The following HDAC4 variants were observed in gnomAD, a reference collection of about 807,000 sequenced individuals.
HDAC4 encodes the protein histone deacetylase A.
Under a neutral mutation model 135.1 loss-of-function variants are expected in HDAC4, and 16 were observed. That is an observed-to-expected ratio of 0.12 (90% confidence interval 0.08 to 0.18). The LOEUF is 0.18. Among genes scored for constraint, HDAC4 ranks in the 10% least tolerant of loss-of-function variants. The pLI, the probability that HDAC4 is intolerant of heterozygous loss-of-function variation, is 1.00. For synonymous variants in HDAC4, 685 were observed against 653.4 expected (o/e 1.05, Z -0.74); for missense variants, 1,143 against 1,511.8 (o/e 0.76, Z 4.05).
At chr2:239,095,187 C>A in intron 16 of HDAC4, 131 bp from the exon 17 acceptor site, 1 of 914,396 alleles carries the variant, frequency 1.1e-6, no homozygotes. Flanking sequence ...CACTGCTCCC[C>A]CTTGTGACAC....
At chr2:239,220,858 G>C (rs1425543383) in intron 3 of HDAC4, among the ~76,000 whole-genome samples, 1 of 152,164 alleles carries the variant, frequency 6.6e-6, no homozygotes, top group Non-Finnish European at 1.5e-5. Flanking sequence ...ACAGGAAGTT[G>C]CCAAGAAAGT....
In HDAC4 at chr2:239,092,050, G is replaced by A. The variant is rs534523619; in HGVS notation, c.2281-1934C>T. ...CGCGCCACTGCACTCCAGCCTGGGCGACAGAGCCAGACTCCGTCTCAAAAA... is the reference window on the plus strand; with the variant it reads ...CGCGCCACTGCACTCCAGCCTGGGCAACAGAGCCAGACTCCGTCTCAAAAA... On this transcript the variant is annotated intron_variant, in intron 17 of 26. Coordinates refer to ENST00000543185, the MANE Select transcript of HDAC4 (RefSeq NM_001378414.1). Among the ~76,000 whole-genome samples the A allele has an allele frequency of 2.9e-4, 44 of 152,112 alleles. 1 individual carries two copies. The highest frequency in any genetic ancestry group is 3.4e-3 in the Middle Eastern group (1 of 294).
intron 1 of HDAC4, among the ~76,000 whole-genome samples, chr2:239,393,951 T>C (rs1016854657): frequency 4.6e-5 from 7 of 152,040 alleles, no homozygotes; most frequent in Admixed American, 2.6e-4. Flanking sequence ...TCAGGGAACA[T>C]GGCCCCCAAG....
intron 1 of HDAC4, among the ~76,000 whole-genome samples, chr2:239,392,596 C>T (rs1329111359): frequency 1.3e-5 from 2 of 152,194 alleles, no homozygotes; most frequent in Non-Finnish European, 2.9e-5. Flanking sequence ...TGTGGACCCA[C>T]AGGCCATCTT....
chr2:239,340,626 C>A (rs1692240103), intron 2 of HDAC4, among the ~76,000 whole-genome samples: 1 of 152,198 alleles, frequency 6.6e-6, no homozygotes, highest in Admixed American at 6.5e-5. Flanking sequence ...AGACACACAC[C>A]ATCTCTCAAA....
chr2:239,062,781 G>A (rs1232549492), intron 24 of HDAC4, among the ~76,000 whole-genome samples: 2 of 152,204 alleles, frequency 1.3e-5, no homozygotes, highest in African/African-American at 4.8e-5. Context: ...CAGCTCACCC[G>A]CTGCAGGGAT....
chr2:239,143,373 CAT>C (rs1307721966), intron 8 of HDAC4, among the ~76,000 whole-genome samples: 1 of 152,230 alleles, frequency 6.6e-6, no homozygotes, highest in Non-Finnish European at 1.5e-5. Context: ...TTTTAACTCA[CAT>C]GATTCCTCGT....
chr2:239,367,153 C>A (rs1214577121), intron 1 of HDAC4, among the ~76,000 whole-genome samples: 2 of 152,046 alleles, frequency 1.3e-5, no homozygotes, highest in Non-Finnish European at 2.9e-5. Flanking sequence ...CCAGAGGGTC[C>A]CCGAGACCTT....
intron 3 of HDAC4, among the ~76,000 whole-genome samples, chr2:239,229,849 A>C (rs749475946): frequency 1.3e-5 from 2 of 152,218 alleles, no homozygotes; most frequent in Non-Finnish European, 2.9e-5. Flanking sequence ...TGGGACTTTA[A>C]AAGGTGACTT....
intron 1 of HDAC4, among the ~76,000 whole-genome samples, chr2:239,364,026 C>T (rs1208367536): frequency 1.3e-5 from 2 of 152,164 alleles, no homozygotes; most frequent in South Asian, 4.1e-4. Context: ...ACACTCCATA[C>T]CCACCAAAAT....
At chr2:239,317,586 T>G (rs78263405) in intron 2 of HDAC4, among the ~76,000 whole-genome samples, 2,973 of 152,194 alleles carry the variant, frequency 0.02, 96 homozygotes, top group African/African-American at 0.068. Context: ...GGCAGCAGAA[T>G]AGATATTGAT....
At chr2:239,252,643 G>A (rs772373079) in intron 2 of HDAC4, among the ~76,000 whole-genome samples, 6 of 152,168 alleles carry the variant, frequency 3.9e-5, no homozygotes, top group Non-Finnish European at 7.3e-5. Context: ...GTCTGTGCCC[G>A]CCACCTCCTC....
chr2:239,324,787 G>T (rs979041070), intron 2 of HDAC4, among the ~76,000 whole-genome samples: 4 of 152,216 alleles, frequency 2.6e-5, no homozygotes, highest in African/African-American at 9.7e-5. Flanking sequence ...TGGGCGAGGT[G>T]CTGCTGTAGG....
At chr2:239,095,158 T>C (rs928014920) in intron 16 of HDAC4, 102 bp from the exon 17 acceptor site, 9 of 1,264,712 alleles carry the variant, frequency 7.1e-6, no homozygotes, top group Admixed American at 1.7e-5. Flanking sequence ...ACTTGGGCAT[T>C]TGTGGGACAA....
intron 19 of HDAC4, among the ~76,000 whole-genome samples, chr2:239,086,288 T>C (rs1431667692): frequency 6.7e-4 from 60 of 89,016 alleles, no homozygotes; most frequent in Non-Finnish European, 8.7e-4. Flanking sequence ...ACGTAGTCTC[T>C]TCCCTGTACA....
Position 239,068,725 on chromosome 2 carries a change from G to T in HDAC4, c.2751-118C>A. 1.2e-6 allele frequency: 1 copy of T among 866,398 alleles called. No homozygotes were observed. Among genetic ancestry groups the T allele is most frequent in the Non-Finnish European group, 2.0e-6 (1 of 509,568 alleles). 53.7% of individuals were successfully genotyped at this position (866,398 alleles called of 1,614,324 possible). A position where few individuals can be genotyped will look rare whatever the true frequency, so the allele number is the denominator to read the frequency against. On this transcript the variant is annotated intron_variant, in intron 22 of 26. Transcript: ENST00000543185. This position sits in a 1 kb window ranked among gnomAD's most constrained non-coding sequence, Gnocchi z 4.4. ...CTGCCCCGCACCCCCTCGGCCACTGGCGGGCTGAGGGCTCCACACAGCAGG... is the reference window on the plus strand; with the variant it reads ...CTGCCCCGCACCCCCTCGGCCACTGTCGGGCTGAGGGCTCCACACAGCAGG...
At chr2:239,335,508 CAAA>C (rs61007856) in intron 2 of HDAC4, among the ~76,000 whole-genome samples, 6,348 of 59,418 alleles carry the variant, frequency 0.11, 357 homozygotes, top group African/African-American at 0.31. Context: ...ATCTGTTCAG[CAAA>C]AAAAAAAAAA....
Position 239,322,160 on chromosome 2 carries a change from C to T in HDAC4, c.22+30518G>A, listed in dbSNP as rs1244445495. On this transcript the variant is annotated intron_variant, in intron 2 of 26. Coordinates refer to ENST00000543185, the MANE Select transcript of HDAC4 (RefSeq NM_001378414.1). ...GGCCAAAGTGAAGTTACACCCTATGCGAATGAAGACTTGGCCTGCAACCAA... is the reference window on the plus strand; with the variant it reads ...GGCCAAAGTGAAGTTACACCCTATGTGAATGAAGACTTGGCCTGCAACCAA... 2.6e-5 allele frequency among the ~76,000 whole-genome samples: 4 copies of T among 152,204 alleles called. No individual in the cohort carries two copies. The South Asian group carries it at 8.3e-4, about 32-fold the overall frequency.
At position 239,142,948 on chromosome 2, in the gene HDAC4, C is replaced by A. The variant is rs2041497532; in HGVS notation, c.865+1635G>T. On this transcript the variant is annotated intron_variant, in intron 8 of 26. Transcript: ENST00000543185. ...ACTCCTGGGTGAGCTCAGCACTGATCACGCCCTGTGACGCATGGCTCCTGG... is the reference window on the plus strand; with the variant it reads ...ACTCCTGGGTGAGCTCAGCACTGATAACGCCCTGTGACGCATGGCTCCTGG... Among the ~76,000 whole-genome samples the A allele has an allele frequency of 3.3e-5, 5 of 150,662 alleles. No homozygotes were observed. The South Asian group carries it at 1.1e-3, about 32-fold the overall frequency.
Sources: allele counts gnomAD v4.1 joint callset (sites outside exome capture counted in the v4.1 genomes callset), GRCh38; gene constraint gnomAD v4.1.1; non-coding constraint Gnocchi (gnomAD v3.1); transcripts MANE v1.5; gene names NCBI Gene and HGNC (gene_info 2026-07-23, HGNC 2026-07-21).